Variants in E2F8 observed in about 807,000 individuals in gnomAD.
E2F8 encodes the protein transcription factor E2F8.
E2F8 carries 35 observed loss-of-function variants against 80.8 expected under a neutral mutation model. The ratio of observed to expected loss-of-function variants is 0.43; its 90% confidence interval spans 0.33 to 0.57. The LOEUF is 0.57. Among genes scored for constraint, E2F8 ranks in the 20% least tolerant of loss-of-function variants. The pLI, the probability that E2F8 is intolerant of heterozygous loss-of-function variation, is 0.04. For missense variants in E2F8, 975 were observed against 1,056.2 expected, an observed-to-expected ratio of 0.92 and a Z score of 1.07; for synonymous variants, 386 against 395.0, an observed-to-expected ratio of 0.98 and a Z score of 0.27.
chr11:19,228,015 G>A (rs1046922929), intron 10 of E2F8, among the ~76,000 whole-genome samples: 1 of 152,192 alleles, frequency 6.6e-6, no homozygotes, highest in African/African-American at 2.4e-5. Flanking sequence ...AGCCTTGGAG[G>A]TCGAGGCTGC....
Position 19,225,831 on chromosome 11 carries a change from T to C in E2F8, c.1927A>G (p.Thr643Ala). 6.2e-7 allele frequency: 1 copy of C among 1,614,136 alleles called. No individual in the cohort carries two copies. Among genetic ancestry groups the C allele is most frequent in the South Asian group, 1.1e-5 (1 of 91,080 alleles). Residue 643 changes from threonine (T) to alanine (A), a missense_variant, in exon 11 of 13, where the codon ACG (threonine) becomes GCG (alanine). Transcript: ENST00000250024. The part of the protein sequence containing the change: ...LFPSGYLIPL[T>A]QCSSLGAESI... ...TCTGCCCCCAGGGATGAGCACTGCG[T>C]GAGAGGGATTAGGTATCCTGATGGG...
chr11:19,236,550 C>A (rs977264857), intron 4 of E2F8, among the ~76,000 whole-genome samples: 8 of 152,124 alleles, frequency 5.3e-5, no homozygotes, highest in Admixed American at 6.6e-5. Context: ...TGCTGAATAT[C>A]CTACCCAGCT....
In E2F8 at chr11:19,224,454, G is replaced by T; in HGVS notation, c.*204C>A. On this transcript the variant is annotated 3_prime_UTR_variant, in exon 13 of 13. Coordinates refer to ENST00000250024, the MANE Select transcript of E2F8 (RefSeq NM_024680.4). ...TTTGTAGGATTGAAAGCTAAACTTA[G>T]CTTTATACAAATATATGTGTGTGTG... 1 of 457,560 alleles carries T rather than the reference G, an allele frequency of 2.2e-6. No homozygotes were observed. The highest frequency in any genetic ancestry group is 3.5e-5 in the East Asian group (1 of 28,490). 28.3% of individuals were successfully genotyped at this position (457,560 alleles called of 1,614,324 possible).
intron 6 of E2F8, among the ~76,000 whole-genome samples, chr11:19,233,252 G>C (rs1249253752): frequency 6.6e-6 from 1 of 152,156 alleles, no homozygotes; most frequent in African/African-American, 2.4e-5. Context: ...GTAATGGTGA[G>C]GGCATAGCTC....
rs369864278 is a variant in E2F8 at position 19,234,761 on chromosome 11, C to T, written c.749G>A (p.Gly250Glu). 13 of 1,612,116 alleles carry T rather than the reference C, an allele frequency of 8.1e-6. No homozygotes were observed. The highest frequency in any genetic ancestry group is 2.2e-5 in the South Asian group (2 of 90,812). ...TCTCTCACCTGCCCGAAATTCCACT[C>T]CAGGGAGTTCCACAAAACACATGTC... ...HPDMCFVELP[G>E]VEFRAASVNS... The change falls in exon 5 of 13, where the codon GGA (glycine) becomes GAA (glutamate). Residue 250 changes from glycine (G) to glutamate (E), a missense_variant. Gly to Glu is a moderately conservative substitution (Grantham distance 98, BLOSUM62 -2). Coordinates refer to ENST00000250024, the MANE Select transcript of E2F8 (RefSeq NM_024680.4).
rs10558787 is a variant in E2F8 at position 19,224,469 on chromosome 11, ATGTG to A, written c.*185_*188del. On this transcript the variant is annotated 3_prime_UTR_variant, in exon 13 of 13. Coordinates refer to ENST00000250024, the MANE Select transcript of E2F8 (RefSeq NM_024680.4). ...GCTAAACTTAGCTTTATACAAATAT[ATGTG>A]TGTGTGTGTGTGTGTGTGTGTGTGT... The A allele has an allele frequency of 0.078, 27,824 of 355,618 alleles. 1,338 individuals are homozygous for A. Among genetic ancestry groups the A allele is most frequent in the African/African-American group, 0.23 (10,984 of 47,092 alleles). 22.0% of individuals were successfully genotyped at this position (355,618 alleles called of 1,614,324 possible). A position where few individuals can be genotyped will look rare whatever the true frequency, so the allele number is the denominator to read the frequency against.
chr11:19,241,234 G>T (rs1212778749), upstream of E2F8, among the ~76,000 whole-genome samples: 2 of 152,076 alleles, frequency 1.3e-5, no homozygotes, highest in South Asian at 2.1e-4. The surrounding 1 kb of genome is among the most constrained non-coding windows in gnomAD (Gnocchi z 4.5). Context: ...CGGCAACCCC[G>T]CCCCTCCCCC....
At chr11:19,232,430 C>A in intron 6 of E2F8, 59 bp from the exon 7 acceptor site, 1 of 1,452,582 alleles carries the variant, frequency 6.9e-7, no homozygotes, top group Middle Eastern at 1.9e-4. Flanking sequence ...AAGAATTTTC[C>A]TTCAGAAGGA....
Position 19,225,798 on chromosome 11 carries a change from A to G in E2F8, c.1960T>C (p.Leu654=), listed in dbSNP as rs1851221378. The G allele has an allele frequency of 1.2e-6, 2 of 1,613,994 alleles. No individual in the cohort carries two copies. The highest frequency in any genetic ancestry group is 8.5e-7 in the Non-Finnish European group (1 of 1,180,040). The change falls in exon 11 of 13, where the codon TTG becomes CTG. Residue 654 remains leucine (L), a synonymous_variant. Transcript: ENST00000250024. ...GCACTTGAGTTTTCTTTACCAGACA[A>G]AATGGACTCTGCCCCCAGGGATGAG... ...QCSSLGAESI[L]SGKENSSALS...
At chr11:19,234,120 C>T (rs1851449977) in intron 6 of E2F8, among the ~76,000 whole-genome samples, 1 of 141,884 alleles carries the variant, frequency 7.0e-6, no homozygotes, top group Admixed American at 7.3e-5. Flanking sequence ...TGCACTCCAG[C>T]CTAGCAAAAG....
chr11:19,230,059 C>T, intron 9 of E2F8, 71 bp from the exon 10 acceptor site: 8 of 1,583,000 alleles, frequency 5.1e-6, no homozygotes, highest in Non-Finnish European at 6.9e-6. Flanking sequence ...CGCTTTAAGC[C>T]TCATATTGAA....
chr11:19,230,481 A>T, intron 8 of E2F8, 150 bp downstream of exon 8: 1 of 1,196,280 alleles, frequency 8.4e-7, no homozygotes, highest in Non-Finnish European at 1.2e-6. Flanking sequence ...ATGACTTTTT[A>T]AATTTATACA....
Position 19,225,588 on chromosome 11 carries a change from A to T in E2F8, c.2054T>A (p.Leu685His), listed in dbSNP as rs765685546. 1 of 1,613,964 alleles carries T rather than the reference A, an allele frequency of 6.2e-7. No individual in the cohort carries two copies. Among genetic ancestry groups the T allele is most frequent in the East Asian group, 2.2e-5 (1 of 44,892 alleles). ...AGVIPVTSSE[L>H]TAVNFPSFHV... Reference sequence around the variant, plus strand: ...AAAAGAGGGAAAATTAACAGCAGTGAGTTCAGATGATGTCACTGGAATAAC... The same window carrying T: ...AAAAGAGGGAAAATTAACAGCAGTGTGTTCAGATGATGTCACTGGAATAAC... The change falls in exon 12 of 13, where the codon CTC becomes CAC. Residue 685 changes from leucine (L) to histidine (H), a missense_variant. By Grantham distance (99) the Leu-to-His change is moderately conservative. Transcript: ENST00000250024.
In E2F8 at chr11:19,224,817, C is replaced by A. The variant is rs1206674903; in HGVS notation, c.2445G>T (p.Gly815=). 1 of 1,613,988 alleles carries A rather than the reference C, an allele frequency of 6.2e-7. No individual in the cohort carries two copies. The highest frequency in any genetic ancestry group is 8.5e-7 in the Non-Finnish European group (1 of 1,180,048). The change falls in exon 13 of 13, where the codon GGG becomes GGT. Residue 815 remains glycine (G), a synonymous_variant. Coordinates refer to ENST00000250024, the MANE Select transcript of E2F8 (RefSeq NM_024680.4). ...AGAAACTTTCGGCCACTAATTGTGA[C>A]CCTTTGGGTGTCACAGGAACAGGCT... is the stretch of plus-strand genomic sequence containing the variant. ...AQQPVPVTPK[G]SQLVAESFFR...
intron 9 of E2F8, 87 bp downstream of exon 9, chr11:19,230,154 A>G: frequency 6.7e-7 from 1 of 1,501,128 alleles, no homozygotes. Context: ...GTTCAAGGCT[A>G]GGGCTTCTTC....
rs761881786 is a variant in E2F8 at position 19,229,135 on chromosome 11, G to A, written c.1893+319C>T. On this transcript the variant is annotated intron_variant, in intron 10 of 12. Coordinates refer to ENST00000250024, the MANE Select transcript of E2F8 (RefSeq NM_024680.4). The surrounding 1 kb of genome is among the most constrained non-coding windows in gnomAD (Gnocchi z 4.3). ...CATCCACACGTTCATTTGGGGTTAC[G>A]TCTGCTTGTAAATTATTTAAGACTT... Among the ~76,000 whole-genome samples the A allele has an allele frequency of 2.6e-5, 4 of 152,178 alleles. No homozygotes were observed. The highest frequency in any genetic ancestry group is 6.5e-5 in the Admixed American group (1 of 15,276).
At chr11:19,235,137 A>G in intron 4 of E2F8, 79 bp from the exon 5 acceptor site, 1 of 1,296,140 alleles carries the variant, frequency 7.7e-7, no homozygotes, top group South Asian at 1.5e-5. Context: ...CCATTGGTTT[A>G]TTAGTCAGTA....
intron 2 of E2F8, among the ~76,000 whole-genome samples, chr11:19,238,870 A>T (rs1851590950): frequency 6.6e-6 from 1 of 152,252 alleles, no homozygotes; most frequent in African/African-American, 2.4e-5. Flanking sequence ...GTAATGGCAA[A>T]AACAGCAATT....
Position 19,225,488 on chromosome 11 carries a change from G to C in E2F8, c.2154C>G (p.Leu718=). 1.2e-6 allele frequency: 2 copies of C among 1,614,220 alleles called. No individual in the cohort carries two copies. The highest frequency in any genetic ancestry group is 2.2e-5 in the South Asian group (2 of 91,086). ...GGATGGGAACAGGGTGGCTTGAAGCGAGAGCCGGGCTGTTCCCGACAGGTA... is the reference window on the plus strand; with the variant it reads ...GGATGGGAACAGGGTGGCTTGAAGCCAGAGCCGGGCTGTTCCCGACAGGTA... ...AAVPVGNSPA[L]ASSHPVPIQN... is the part of the protein sequence containing the mutation. Residue 718 remains leucine (L), a synonymous_variant, in exon 12 of 13, where the codon CTC becomes CTG. Coordinates refer to ENST00000250024, the MANE Select transcript of E2F8 (RefSeq NM_024680.4).
Sources: gnomAD v4.1 joint callset for allele counts (sites outside exome capture counted in the v4.1 genomes callset) on GRCh38, gnomAD v4.1.1 for gene constraint, Gnocchi (gnomAD v3.1) non-coding constraint, MANE v1.5 for transcripts, NCBI Gene and HGNC (gene_info 2026-07-23, HGNC 2026-07-21) for gene names.